PEAK1: variants seen among roughly 807,000 people sequenced by gnomAD.
PEAK1 encodes pseudopodium enriched atypical kinase 1.
A neutral mutation model predicts 124.7 loss-of-function variants in PEAK1; 54 were observed. That is an observed-to-expected ratio of 0.43 (90% CI 0.35 to 0.54). The LOEUF (loss-of-function observed/expected upper bound fraction) is 0.54, where lower values mean the gene tolerates loss of function less well. Ranked by LOEUF, PEAK1 falls within the 20% of genes least tolerant of loss-of-function variation. The pLI is 0.01. For missense variants in PEAK1, 2,046 were observed against 2,134.5 expected (o/e 0.96, Z 0.82); for synonymous variants, 719 against 760.0 (o/e 0.95, Z 0.89).
rs533822550 is a variant in PEAK1, at chr15:77,352,948, T to C, written c.-603+12215A>G. On this transcript the variant is annotated intron_variant, in intron 2 of 9. Transcript: ENST00000682557. ...GAGCTAATGTATTGTACTGCTCTTC[T>C]CATTAGCTACAGAGATGCATTACCC... The C allele has an allele frequency of 5.1e-6, 5 of 985,420 alleles. No individual in the cohort carries two copies. In the East Asian group the frequency reaches 5.7e-4, roughly 112 times the overall value. The allele number at this position is 985,420 out of a possible 1,614,324, so 61.0% of individuals were successfully genotyped here. A position where few individuals can be genotyped will look rare whatever the true frequency, so the allele number is the denominator to read the frequency against.
At chr15:77,364,142 T>C (rs28527463) in intron 2 of PEAK1, among the ~76,000 whole-genome samples, 1 of 152,110 alleles carries the variant, frequency 6.6e-6, no homozygotes, top group Non-Finnish European at 1.5e-5. Context: ...GAGGTTGCGG[T>C]GAACCAAGAT....
At chr15:77,353,996 A>G (rs17385296) in intron 2 of PEAK1, among the ~76,000 whole-genome samples, 1 of 151,912 alleles carries the variant, frequency 6.6e-6, no homozygotes, top group Non-Finnish European at 1.5e-5. Context: ...TTGTCCACTA[A>G]ATCTAAATGT....
chr15:77,355,983 CA>C, intron 2 of PEAK1: 3 of 960,424 alleles, frequency 3.1e-6, no homozygotes, highest in Non-Finnish European at 3.7e-6. Flanking sequence ...TGTGGGATAA[CA>C]AACGAGAAAA....
chr15:77,299,304 T>A (rs976995857), intron 2 of PEAK1, among the ~76,000 whole-genome samples: 6 of 152,212 alleles, frequency 3.9e-5, no homozygotes, highest in African/African-American at 1.4e-4. Flanking sequence ...AAATTAATTT[T>A]AAAAATAATT....
chr15:77,354,425 G>A (rs2067383508), intron 2 of PEAK1, among the ~76,000 whole-genome samples: 1 of 152,118 alleles, frequency 6.6e-6, no homozygotes, highest in Non-Finnish European at 1.5e-5. Flanking sequence ...AGCCTTCTAA[G>A]TGGTCTCTCC....
intron 5 of PEAK1, among the ~76,000 whole-genome samples, chr15:77,256,993 T>G (rs2061182493): frequency 6.6e-6 from 1 of 152,046 alleles, no homozygotes; most frequent in Admixed American, 6.6e-5. Context: ...TTTTTGTCCT[T>G]GCGATAGTAT....
intron 6 of PEAK1, among the ~76,000 whole-genome samples, chr15:77,205,948 G>T (rs866334455): frequency 1.5e-3 from 175 of 119,080 alleles, no homozygotes; most frequent in African/African-American, 2.3e-3. Flanking sequence ...CTAGCATTAG[G>T]TATATCTCCC....
At position 77,113,114 on chromosome 15, in the gene PEAK1, TC is replaced by T. The variant is rs1245561014; in HGVS notation, c.*1041del. ...ACCTCACTGTGCCCTCTAAAGGAGA[TC>T]TTAGAGCTCCACTGACAGCTATTTC... On this transcript the variant is annotated 3_prime_UTR_variant, in exon 10 of 10. Transcript: ENST00000682557. 1 of 152,258 alleles carries T rather than the reference TC, an allele frequency of 6.6e-6. No homozygotes were observed. Among genetic ancestry groups the T allele is most frequent in the Non-Finnish European group, 1.5e-5 (1 of 68,054 alleles). The allele number at this position is 152,258 out of a possible 1,614,324, so 9.4% of individuals were successfully genotyped here.
intron 9 of PEAK1, among the ~76,000 whole-genome samples, chr15:77,129,490 G>A (rs1026109243): frequency 5.6e-4 from 84 of 149,800 alleles, no homozygotes; most frequent in Non-Finnish European, 1.0e-3. Context: ...TGCCCAGGCT[G>A]GAGTGCAGTG....
At chr15:77,216,783 T>C (rs1267490728) in intron 6 of PEAK1, among the ~76,000 whole-genome samples, 1 of 152,186 alleles carries the variant, frequency 6.6e-6, no homozygotes, top group Non-Finnish European at 1.5e-5. Context: ...TGAGCAAACT[T>C]GCCACTCAAC....
chr15:77,242,962 G>A (rs2060425058), intron 6 of PEAK1, among the ~76,000 whole-genome samples: 1 of 152,134 alleles, frequency 6.6e-6, no homozygotes, highest in African/African-American at 2.4e-5. Context: ...ATCAAACTAT[G>A]CATATTCAGC....
chr15:77,345,091 G>A (rs923734792), intron 2 of PEAK1, among the ~76,000 whole-genome samples: 4 of 83,276 alleles, frequency 4.8e-5, no homozygotes, highest in African/African-American at 1.2e-4. Flanking sequence ...TAAGTGGTGA[G>A]AGCAGGCATC....
intron 2 of PEAK1, chr15:77,349,885 C>G: frequency 1.0e-6 from 1 of 985,218 alleles, no homozygotes; most frequent in Non-Finnish European, 1.2e-6. Context: ...AATATGGTAT[C>G]TAAAAAACAG....
chr15:77,266,540 C>T (rs1208395405), intron 5 of PEAK1, among the ~76,000 whole-genome samples: 2 of 152,142 alleles, frequency 1.3e-5, no homozygotes, highest in Non-Finnish European at 2.9e-5. Flanking sequence ...AAATGAAATG[C>T]AAAATCTCAT....
At chr15:77,197,668 C>G (rs188363765) in intron 6 of PEAK1, among the ~76,000 whole-genome samples, 239 of 152,148 alleles carry the variant, frequency 1.6e-3, no homozygotes, top group African/African-American at 5.0e-3. Context: ...ACATCAAAAC[C>G]AAGTGTAATT....
chr15:77,222,649 T>C (rs2152881134), intron 6 of PEAK1, among the ~76,000 whole-genome samples: 1 of 152,084 alleles, frequency 6.6e-6, no homozygotes. Context: ...TTGATTTTTC[T>C]TGCAAGCAGA....
intron 2 of PEAK1, among the ~76,000 whole-genome samples, chr15:77,332,750 A>AT (rs946174442): frequency 2.0e-5 from 3 of 150,826 alleles, no homozygotes; most frequent in South Asian, 2.1e-4. Context: ...AAGGTACTTC[A>AT]TTTTTTTTTA....
intron 2 of PEAK1, chr15:77,351,076 G>T: frequency 3.1e-6 from 1 of 325,648 alleles, no homozygotes; most frequent in Non-Finnish European, 4.4e-6. Context: ...TTTGCTTACA[G>T]ACATGCAAAC....
chr15:77,372,907 C>A (rs2068746061), intron 1 of PEAK1, among the ~76,000 whole-genome samples: 1 of 152,168 alleles, frequency 6.6e-6, no homozygotes, highest in East Asian at 1.9e-4. Flanking sequence ...CCTTGGCCTT[C>A]CGCCATGATT....
Sources: allele counts gnomAD v4.1 joint callset (sites outside exome capture counted in the v4.1 genomes callset), GRCh38; gene constraint gnomAD v4.1.1; transcripts MANE v1.5; gene names NCBI Gene and HGNC (gene_info 2026-07-23, HGNC 2026-07-21).